VTI1A: variants seen among roughly 807,000 people sequenced by gnomAD.
VTI1A encodes vesicle transport through interaction with t-SNAREs 1A.
Under a neutral mutation model 34.9 loss-of-function variants are expected in VTI1A, and 22 were observed. The ratio of observed to expected loss-of-function variants is 0.63; its 90% CI spans 0.45 to 0.90. The LOEUF (loss-of-function observed/expected upper bound fraction) is 0.90. Among genes scored for constraint, VTI1A ranks in the 40% least tolerant of loss-of-function variants. The pLI, the probability that VTI1A is intolerant of heterozygous loss-of-function variation, is 0.00. For missense variants in VTI1A, 268 were observed against 275.6 expected (o/e 0.97, Z 0.20); for synonymous variants, 87 against 97.3 (o/e 0.89, Z 0.62).
intron 7 of VTI1A, among the ~76,000 whole-genome samples, chr10:112,688,163 AG>A: frequency 6.6e-6 from 1 of 152,066 alleles, no homozygotes; most frequent in African/African-American, 2.4e-5. Flanking sequence ...CTTGTTGGCC[AG>A]GCTGGTCTCG....
chr10:112,822,467 C>G (rs1320110418), downstream of VTI1A, among the ~76,000 whole-genome samples: 1 of 152,168 alleles, frequency 6.6e-6, no homozygotes, highest in Non-Finnish European at 1.5e-5. Context: ...AAATTGTGTC[C>G]CTCCTCTGGC....
chr10:112,848,844 A>G, the VTI1A span, among the ~76,000 whole-genome samples: 3 of 152,154 alleles, frequency 2.0e-5, no homozygotes, highest in Non-Finnish European at 4.4e-5. Flanking sequence ...GGAGGAGGTG[A>G]CCATTGAGAT....
rs1437183384 is a variant in VTI1A, at chr10:112,815,522, CAA to C, written c.*141_*142del. ...CCCTCACCGCCGTTGGGCTGAAGTG[CAA>C]AGAGTGTAAAAATATTTTCTATTCC... On this transcript the variant is annotated 3_prime_UTR_variant, in exon 8 of 8. Coordinates refer to ENST00000393077, the MANE Select transcript of VTI1A (RefSeq NM_145206.4). The C allele has an allele frequency of 2.9e-6, 2 of 681,208 alleles. No homozygotes were observed. Among genetic ancestry groups the C allele is most frequent in the East Asian group, 5.4e-5 (2 of 36,832 alleles). 42.2% of individuals were successfully genotyped at this position (681,208 alleles called of 1,614,324 possible).
chr10:112,815,158 C>CACACACAG (rs1352001266), intron 7 of VTI1A, 132 bp from the exon 8 acceptor site: 1 of 530,984 alleles, frequency 1.9e-6, no homozygotes, highest in Non-Finnish European at 3.6e-6. Flanking sequence ...CACACACACA[C>CACACACAG]ACACACACAC....
intron 7 of VTI1A, among the ~76,000 whole-genome samples, chr10:112,691,639 G>C (rs539443554): frequency 6.6e-6 from 1 of 152,324 alleles, no homozygotes; most frequent in Non-Finnish European, 1.5e-5. Flanking sequence ...ATAGAAATGT[G>C]AGTTAGCAGG....
At chr10:112,507,084 T>C (rs190855586) in intron 3 of VTI1A, among the ~76,000 whole-genome samples, 66 of 152,288 alleles carry the variant, frequency 4.3e-4, no homozygotes, top group African/African-American at 1.6e-3. Context: ...AGTTTTACTT[T>C]TGTTTCAGGT....
chr10:112,651,374 G>A (rs1489945588), intron 5 of VTI1A, among the ~76,000 whole-genome samples: 2 of 152,138 alleles, frequency 1.3e-5, no homozygotes, highest in African/African-American at 2.4e-5. Context: ...GCAGTGGTGC[G>A]ATCTCCGCTT....
At chr10:112,792,256 C>T (rs1697148592) in intron 7 of VTI1A, among the ~76,000 whole-genome samples, 1 of 152,170 alleles carries the variant, frequency 6.6e-6, no homozygotes, top group Admixed American at 6.5e-5. Context: ...GCCTGGGCGA[C>T]AGTGCAAGAG....
At chr10:112,507,573 A>G (rs1001375764) in intron 3 of VTI1A, among the ~76,000 whole-genome samples, 3 of 152,070 alleles carry the variant, frequency 2.0e-5, no homozygotes, top group Non-Finnish European at 1.5e-5. Context: ...CCTCAAACCT[A>G]TACTATACCC....
At chr10:112,512,408 T>C (rs1432156023) in intron 3 of VTI1A, among the ~76,000 whole-genome samples, 1 of 152,186 alleles carries the variant, frequency 6.6e-6, no homozygotes, top group East Asian at 1.9e-4. Flanking sequence ...ATTTGTTTTT[T>C]CCTGTAGAAT....
chr10:112,806,747 C>T (rs1853096104), intron 7 of VTI1A, among the ~76,000 whole-genome samples: 1 of 151,922 alleles, frequency 6.6e-6, no homozygotes, highest in South Asian at 2.1e-4. Context: ...CCACACCTGC[C>T]TAATTTTTTT....
At chr10:112,832,675 C>A in the VTI1A span, among the ~76,000 whole-genome samples, 1 of 152,218 alleles carries the variant, frequency 6.6e-6, no homozygotes, top group African/African-American at 2.4e-5. Flanking sequence ...CCCCTGCATC[C>A]AATATGGAAA....
At chr10:112,447,516 G>A (rs1033887744) in intron 1 of VTI1A, 49 bp downstream of exon 1, 9 of 1,594,046 alleles carry the variant, frequency 5.6e-6, no homozygotes, top group Non-Finnish European at 6.8e-6. Flanking sequence ...AGCTGGGAGG[G>A]TGCGGGCGGT....
intron 5 of VTI1A, among the ~76,000 whole-genome samples, chr10:112,561,453 G>C (rs1246436099): frequency 2.0e-5 from 3 of 152,122 alleles, no homozygotes; most frequent in African/African-American, 7.2e-5. Flanking sequence ...TTGGACTAGG[G>C]ACATTTACTT....
chr10:112,789,340 C>T (rs1186167290), intron 7 of VTI1A, among the ~76,000 whole-genome samples: 1 of 152,180 alleles, frequency 6.6e-6, no homozygotes, highest in Non-Finnish European at 1.5e-5. Context: ...TCCCCCACCT[C>T]ACCCTTTTTG....
chr10:112,828,402 T>TTAA, the VTI1A span, among the ~76,000 whole-genome samples: 1 of 151,688 alleles, frequency 6.6e-6, no homozygotes, highest in Admixed American at 6.6e-5. Flanking sequence ...TGTTTTAAAA[T>TTAA]TATTATTATT....
At chr10:112,571,640 G>C (rs746728417) in intron 5 of VTI1A, among the ~76,000 whole-genome samples, 1 of 152,090 alleles carries the variant, frequency 6.6e-6, no homozygotes, top group Non-Finnish European at 1.5e-5. Context: ...TACTGGATAT[G>C]TATATATCCA....
intron 3 of VTI1A, among the ~76,000 whole-genome samples, chr10:112,488,645 G>A (rs1848724658): frequency 6.6e-6 from 1 of 152,120 alleles, no homozygotes; most frequent in African/African-American, 2.4e-5. Flanking sequence ...TCTTGTAGTG[G>A]TCTGACTTTT....
chr10:112,616,895 A>G (rs1236903800), intron 5 of VTI1A, among the ~76,000 whole-genome samples: 1 of 152,212 alleles, frequency 6.6e-6, no homozygotes, highest in African/African-American at 2.4e-5. Flanking sequence ...AGCACACAAG[A>G]GAGGTGTTGA....
Sources: gnomAD v4.1 joint callset for allele counts (sites outside exome capture counted in the v4.1 genomes callset) on GRCh38, gnomAD v4.1.1 for gene constraint, MANE v1.5 for transcripts, NCBI Gene and HGNC (gene_info 2026-07-23, HGNC 2026-07-21) for gene names.